Variants in IL1RAPL1 observed in about 807,000 individuals in gnomAD.
The protein encoded by IL1RAPL1 is interleukin-1 receptor accessory protein-like 1.
Under a neutral mutation model 48.4 loss-of-function variants are expected in IL1RAPL1, and 3 were observed. That is an observed-to-expected ratio of 0.06 (90% confidence interval 0.03 to 0.16). IL1RAPL1 has a LOEUF of 0.16. Among genes scored for constraint, IL1RAPL1 ranks in the 10% least tolerant of loss-of-function variants. The probability of loss-of-function intolerance (pLI) is 1.00; values close to 1 mark genes in which losing one functional copy is unlikely to be tolerated. For synonymous variants in IL1RAPL1, 185 were observed against 187.7 expected (o/e 0.99, Z 0.12); for missense variants, 349 against 530.6 (o/e 0.66, Z 3.36).
chrX:29,450,179 G>A (rs188211475), intron 5 of IL1RAPL1, among the ~76,000 whole-genome samples: 1 of 111,761 alleles, frequency 8.9e-6, no homozygotes, highest in East Asian at 2.8e-4. Context: ...TTATCAAGTA[G>A]GGACATTTAG....
intron 2 of IL1RAPL1, among the ~76,000 whole-genome samples, chrX:28,851,524 A>G (rs922662683): frequency 2.7e-5 from 3 of 111,531 alleles, no homozygotes; most frequent in African/African-American, 9.8e-5. Flanking sequence ...TTAATATTTC[A>G]ATTTTATTAA....
intron 2 of IL1RAPL1, among the ~76,000 whole-genome samples, chrX:28,902,377 G>A (rs1923100359): frequency 9.7e-6 from 1 of 103,547 alleles, no homozygotes; most frequent in Admixed American, 1.1e-4. Flanking sequence ...CTTCTTGCTG[G>A]AAGTTGTCAT....
intron 1 of IL1RAPL1, among the ~76,000 whole-genome samples, chrX:28,765,063 G>T (rs975843432): frequency 9.9e-6 from 1 of 100,547 alleles, no homozygotes; most frequent in South Asian, 4.7e-4. Flanking sequence ...ACAAAAAACC[G>T]AACACCACAT....
At chrX:29,119,161 A>G (rs959682586) in intron 2 of IL1RAPL1, among the ~76,000 whole-genome samples, 1 of 111,389 alleles carries the variant, frequency 9.0e-6, no homozygotes, top group Non-Finnish European at 1.9e-5. Flanking sequence ...CATAAAATAC[A>G]TATATTTACA....
chrX:29,209,062 C>G (rs1275172346), intron 2 of IL1RAPL1, among the ~76,000 whole-genome samples: 4 of 111,832 alleles, frequency 3.6e-5, no homozygotes, highest in Non-Finnish European at 5.6e-5. Flanking sequence ...GCACTCTTTC[C>G]CAGATGCCAT....
At chrX:29,449,910 A>G (rs1447499926) in intron 5 of IL1RAPL1, among the ~76,000 whole-genome samples, 1 of 108,196 alleles carries the variant, frequency 9.2e-6, no homozygotes, top group East Asian at 2.9e-4. Context: ...GAGGAAGGAA[A>G]TAATTTAAAA....
intron 5 of IL1RAPL1, among the ~76,000 whole-genome samples, chrX:29,418,112 TATATATA>T (rs1251782995): frequency 0.014 from 688 of 48,968 alleles, 21 homozygotes; most frequent in Non-Finnish European, 0.018. Context: ...TATATATATA[TATATATA>T]TATATATTTT....
chrX:29,467,708 AT>A (rs1357022230), intron 5 of IL1RAPL1, among the ~76,000 whole-genome samples: 1 of 111,940 alleles, frequency 8.9e-6, no homozygotes, highest in Non-Finnish European at 1.9e-5. Context: ...TATCTACGCA[AT>A]AAAATACTTC....
chrX:28,738,368 A>G (rs186825663), intron 1 of IL1RAPL1, among the ~76,000 whole-genome samples: 1 of 111,970 alleles, frequency 8.9e-6, no homozygotes, highest in Admixed American at 9.5e-5. Flanking sequence ...GATATAGCAG[A>G]GAACAAAAAT....
intron 5 of IL1RAPL1, among the ~76,000 whole-genome samples, chrX:29,612,144 C>T (rs925495189): frequency 5.4e-5 from 6 of 110,989 alleles, no homozygotes; most frequent in Non-Finnish European, 9.4e-5. Context: ...GCTAAAGAAC[C>T]ACCCTCTTCT....
At chrX:28,853,735 C>T (rs1284464220) in intron 2 of IL1RAPL1, among the ~76,000 whole-genome samples, 1 of 111,536 alleles carries the variant, frequency 9.0e-6, no homozygotes, top group Non-Finnish European at 1.9e-5. Flanking sequence ...TTATCAACTA[C>T]CTACAGATAT....
chrX:28,992,054 A>G (rs898206653), intron 2 of IL1RAPL1, among the ~76,000 whole-genome samples: 1 of 112,376 alleles, frequency 8.9e-6, no homozygotes, highest in Non-Finnish European at 1.9e-5. Flanking sequence ...ATACCTTATG[A>G]GAAAGCTATG....
chrX:29,555,964 C>T (rs920041504), intron 5 of IL1RAPL1, among the ~76,000 whole-genome samples: 1 of 112,057 alleles, frequency 8.9e-6, no homozygotes, highest in Non-Finnish European at 1.9e-5. Context: ...CCTTGCTTGG[C>T]TAAAAAGCAA....
At chrX:29,508,310 T>C (rs1032278353) in intron 5 of IL1RAPL1, among the ~76,000 whole-genome samples, 9 of 111,637 alleles carry the variant, frequency 8.1e-5, no homozygotes, top group Non-Finnish European at 1.5e-4. Flanking sequence ...TCATGTGAAC[T>C]GTTAGGTAAG....
chrX:29,070,773 G>A (rs141795908), intron 2 of IL1RAPL1, among the ~76,000 whole-genome samples: 2,161 of 111,591 alleles, frequency 0.019, 28 homozygotes, highest in Non-Finnish European at 0.032. Flanking sequence ...AAAAGGTTTG[G>A]AAATTTCTAA....
At chrX:29,768,851 T>G (rs1217372291) in intron 6 of IL1RAPL1, among the ~76,000 whole-genome samples, 1 of 111,942 alleles carries the variant, frequency 8.9e-6, no homozygotes, top group Non-Finnish European at 1.9e-5. Context: ...ATGAGCAAAA[T>G]CTCATGCACA....
intron 1 of IL1RAPL1, among the ~76,000 whole-genome samples, chrX:28,668,980 G>A (rs184420338): frequency 3.9e-4 from 43 of 111,517 alleles, no homozygotes; most frequent in African/African-American, 1.4e-3. Flanking sequence ...GTGGTTAAGA[G>A]GATTAAATTA....
At chrX:29,482,611 C>A (rs968033066) in intron 5 of IL1RAPL1, among the ~76,000 whole-genome samples, 6 of 112,504 alleles carry the variant, frequency 5.3e-5, no homozygotes, top group African/African-American at 1.9e-4. Context: ...AGTAAATACA[C>A]ATCTATGCTA....
chrX:29,607,266 G>A lies in IL1RAPL1; in HGVS notation c.704-61164G>A, dbSNP rs1032972772. The stretch of plus-strand genomic sequence containing the variant: ...AGTGCTACCATTTTCTAGTCTCCAT[G>A]GATCAGTTTGAGAGCCATGAAAAGG... On this transcript the variant is annotated intron_variant, in intron 5 of 10. Transcript: ENST00000378993. Among the ~76,000 whole-genome samples, 11 of 111,448 alleles carry A rather than the reference G, an allele frequency of 9.9e-5. 1 individual carries two copies. The highest frequency in any genetic ancestry group is 7.5e-5 in the Non-Finnish European group (4 of 53,040).
Sources: allele counts gnomAD v4.1 joint callset (sites outside exome capture counted in the v4.1 genomes callset), GRCh38; gene constraint gnomAD v4.1.1; transcripts MANE v1.5; gene names NCBI Gene and HGNC (gene_info 2026-07-23, HGNC 2026-07-21).